Variants in SORBS2 observed in about 807,000 individuals in gnomAD.
SORBS2 encodes sorbin and SH3 domain containing 2.
In SORBS2, 46 loss-of-function variants were observed where a neutral mutation model predicts 97.7. That is an observed-to-expected ratio of 0.47 (90% CI 0.37 to 0.60). The LOEUF (loss-of-function observed/expected upper bound fraction) is 0.60. Among genes scored for constraint, SORBS2 ranks in the 20% least tolerant of loss-of-function variants. The pLI is 0.00. For synonymous variants in SORBS2, 476 were observed against 473.4 expected, an observed-to-expected ratio of 1.01 and a Z score of -0.07; for missense variants, 1,316 against 1,282.3, an observed-to-expected ratio of 1.03 and a Z score of -0.40.
intron 4 of SORBS2, among the ~76,000 whole-genome samples, chr4:185,642,791 C>A (rs1238058777): frequency 1.3e-5 from 2 of 152,196 alleles, no homozygotes; most frequent in African/African-American, 4.8e-5. Flanking sequence ...TACCCCCCTG[C>A]CTTCTCTGTA....
chr4:185,885,250 T>A (rs1483634773), intron 1 of SORBS2, among the ~76,000 whole-genome samples: 1 of 152,204 alleles, frequency 6.6e-6, no homozygotes, highest in Non-Finnish European at 1.5e-5. Flanking sequence ...TTATGTGAAC[T>A]GCAGAGCCCA....
intron 1 of SORBS2, among the ~76,000 whole-genome samples, chr4:185,919,782 C>A (rs1169506785): frequency 6.6e-6 from 1 of 152,258 alleles, no homozygotes; most frequent in African/African-American, 2.4e-5. Context: ...TCTTCTCTTT[C>A]CTTTTTACTT....
At position 185,699,085 on chromosome 4, in the gene SORBS2, T is replaced by C. The variant is rs565729164; in HGVS notation, c.-197-20263A>G. Among the ~76,000 whole-genome samples the C allele has an allele frequency of 3.3e-5, 5 of 152,250 alleles. No homozygotes were observed. The East Asian group carries it at 9.7e-4, about 29-fold the overall frequency. ...TATACTTTAGCAATGTCAAGGTTTGTCAGAATTTTTGACAGAATATACTGT... is the reference window on the plus strand; with the variant it reads ...TATACTTTAGCAATGTCAAGGTTTGCCAGAATTTTTGACAGAATATACTGT... On this transcript the variant is annotated intron_variant, in intron 2 of 20. Coordinates refer to the SORBS2 transcript ENST00000284776.
chr4:185,701,390 C>G (rs2098260116), intron 2 of SORBS2, among the ~76,000 whole-genome samples: 1 of 152,228 alleles, frequency 6.6e-6, no homozygotes. Flanking sequence ...TGTTCTCCTT[C>G]AGGTCCACAG....
chr4:185,935,488 G>A (rs1374408798), intron 1 of SORBS2, among the ~76,000 whole-genome samples: 4 of 152,106 alleles, frequency 2.6e-5, no homozygotes, highest in Non-Finnish European at 4.4e-5. Flanking sequence ...CTCTCACTAT[G>A]TCCCAGCACT....
At position 185,684,881 on chromosome 4, in the gene SORBS2, G is replaced by T; in HGVS notation, c.-197-6059C>A. The T allele has an allele frequency of 1.3e-6, 2 of 1,504,774 alleles. No individual in the cohort carries two copies. The highest frequency in any genetic ancestry group is 1.8e-6 in the Non-Finnish European group (2 of 1,104,758). 93.2% of individuals were successfully genotyped at this position (1,504,774 alleles called of 1,614,324 possible). A position where few individuals can be genotyped will look rare whatever the true frequency, so the allele number is the denominator to read the frequency against. On this transcript the variant is annotated intron_variant, in intron 2 of 20. Coordinates refer to the SORBS2 transcript ENST00000284776. The surrounding 1 kb of genome is among the most constrained non-coding windows in gnomAD (Gnocchi z 4.2). ...AAAAAATGATATAGCAGAGGCCAAG[G>T]CAACGGGAAAAGCACGTGCAATATC...
At chr4:185,732,998 A>G (rs1426153575) in intron 2 of SORBS2, among the ~76,000 whole-genome samples, 1 of 152,198 alleles carries the variant, frequency 6.6e-6, no homozygotes, top group African/African-American at 2.4e-5. Flanking sequence ...AGTGGGAAGA[A>G]GTGAGGAAGG....
Position 185,620,442 on chromosome 4 carries a change from A to G in SORBS2, c.2216-291T>C, listed in dbSNP as rs73876132. Among the ~76,000 whole-genome samples, 1,436 of 152,314 alleles carry G rather than the reference A, an allele frequency of 9.4e-3. 19 individuals are homozygous for G. The highest frequency in any genetic ancestry group is 0.033 in the African/African-American group (1,357 of 41,570). On this transcript the variant is annotated intron_variant, in intron 7 of 14. Transcript: ENST00000418609. ...TGCCACACCCAGTAAGACAATTTATAGTTAGAGGGATTTTTCATATAAATT... is the reference window on the plus strand; with the variant it reads ...TGCCACACCCAGTAAGACAATTTATGGTTAGAGGGATTTTTCATATAAATT...
At chr4:185,853,260 A>G (rs911477781) in intron 1 of SORBS2, among the ~76,000 whole-genome samples, 1 of 152,238 alleles carries the variant, frequency 6.6e-6, no homozygotes, top group African/African-American at 2.4e-5. Context: ...TGGATGAAAC[A>G]TCAAAGCTAA....
chr4:185,764,022 T>C (rs996819907), intron 2 of SORBS2, among the ~76,000 whole-genome samples: 5 of 152,222 alleles, frequency 3.3e-5, no homozygotes, highest in Non-Finnish European at 5.9e-5. Context: ...AAGGAAAAGC[T>C]GTGTGTATAT....
intron 1 of SORBS2, among the ~76,000 whole-genome samples, chr4:185,828,269 G>T (rs145288621): frequency 2.6e-5 from 4 of 152,228 alleles, no homozygotes; most frequent in African/African-American, 9.6e-5. Flanking sequence ...AAGACAAGGA[G>T]CCTGGACCTT....
intron 1 of SORBS2, among the ~76,000 whole-genome samples, chr4:185,838,180 G>T (rs2099209266): frequency 6.6e-6 from 1 of 152,254 alleles, no homozygotes. Flanking sequence ...CATACTACCT[G>T]CACCCAGGCC....
chr4:185,684,445 T>C lies in SORBS2; in HGVS notation c.-197-5623A>G, dbSNP rs532230048. On this transcript the variant is annotated intron_variant, in intron 2 of 20. Transcript: ENST00000284776. This position sits in a 1 kb window ranked among gnomAD's most constrained non-coding sequence, Gnocchi z 4.2. ...AGATTCAGTTTCCTACAAATCCCTT[T>C]TTTCATCCTGTACCCCTGTACCCCT... 6.6e-6 allele frequency among the ~76,000 whole-genome samples: 1 copy of C among 152,168 alleles called. No individual in the cohort carries two copies. The highest frequency in any genetic ancestry group is 2.1e-4 in the South Asian group (1 of 4,818).
rs762204119 is a variant in SORBS2 at position 185,618,649 on chromosome 4, C to A, written c.2305-18G>T. 6.7e-7 allele frequency: 1 copy of A among 1,501,766 alleles called. No homozygotes were observed. The highest frequency in any genetic ancestry group is 1.4e-5 in the African/African-American group (1 of 73,272). The allele number at this position is 1,501,766 out of a possible 1,614,324, so 93.0% of individuals were successfully genotyped here. On this transcript the variant is annotated intron_variant, in intron 8 of 14. Transcript: ENST00000418609. ...GGCAATTTCTGAAAAGGAAGATAAA[C>A]AATTAGCACTAATTTAAAATTTGAA...
chr4:185,656,906 G>A, exon 1 of SORBS2: 1 of 1,244,400 alleles, frequency 8.0e-7, no homozygotes, highest in Non-Finnish European at 1.0e-6. Context: ...TCTTCAGACA[G>A]CTTTTCCTTT....
At chr4:185,931,586 G>C (rs2099266452) in intron 1 of SORBS2, among the ~76,000 whole-genome samples, 1 of 152,116 alleles carries the variant, frequency 6.6e-6, no homozygotes, top group Non-Finnish European at 1.5e-5. Flanking sequence ...GGCAGGCCAG[G>C]GTGATAAGAT....
At chr4:185,669,819 TA>T (rs1243753875) in intron 4 of SORBS2, among the ~76,000 whole-genome samples, 1 of 152,228 alleles carries the variant, frequency 6.6e-6, no homozygotes, top group East Asian at 1.9e-4. Flanking sequence ...TTTCAAAATC[TA>T]CATTTTTGCT....
At chr4:185,718,810 G>A (rs1463541076) in intron 2 of SORBS2, among the ~76,000 whole-genome samples, 3 of 152,170 alleles carry the variant, frequency 2.0e-5, no homozygotes, top group Non-Finnish European at 4.4e-5. Flanking sequence ...AAGTGAGAGA[G>A]TCAGACACTC....
chr4:185,602,486 A>G (rs2096285931), intron 12 of SORBS2, among the ~76,000 whole-genome samples: 1 of 152,208 alleles, frequency 6.6e-6, no homozygotes, highest in African/African-American at 2.4e-5. Flanking sequence ...GATTGCATTT[A>G]CTTTTATGGA....
Sources: allele counts gnomAD v4.1 joint callset (sites outside exome capture counted in the v4.1 genomes callset), GRCh38; gene constraint gnomAD v4.1.1; non-coding constraint Gnocchi (gnomAD v3.1); transcripts MANE v1.5; gene names NCBI Gene and HGNC (gene_info 2026-07-23, HGNC 2026-07-21).